Variants in METTL15 observed in about 807,000 individuals in gnomAD.
The protein encoded by METTL15 is 12S rRNA N(4)-cytidine methyltransferase METTL15.
METTL15 carries 34 observed loss-of-function variants against 38.3 expected under a neutral mutation model. The ratio of observed to expected loss-of-function variants is 0.89; its 90% CI spans 0.68 to 1.18. The LOEUF is 1.18. Among genes scored for constraint, METTL15 ranks in the 50% most tolerant of loss-of-function variants. The probability of loss-of-function intolerance (pLI) is 0.00; values close to 1 mark genes in which losing one functional copy is unlikely to be tolerated. For missense variants in METTL15, 438 were observed against 498.4 expected, an observed-to-expected ratio of 0.88 and a Z score of 1.15; for synonymous variants, 162 against 170.9, an observed-to-expected ratio of 0.95 and a Z score of 0.41.
intron 3 of METTL15, among the ~76,000 whole-genome samples, chr11:28,159,002 A>T (rs1409396908): frequency 6.6e-6 from 1 of 152,098 alleles, no homozygotes; most frequent in Admixed American, 6.5e-5. Context: ...TGGAAGTGGC[A>T]CCACTTACCA....
At chr11:28,485,705 A>T (rs941027569) in intron 6 of METTL15, among the ~76,000 whole-genome samples, 2 of 152,166 alleles carry the variant, frequency 1.3e-5, no homozygotes, top group African/African-American at 2.4e-5. Flanking sequence ...TTCACCCCTT[A>T]CAACAGTGTC....
At chr11:28,304,643 G>A (rs1857019558) in intron 6 of METTL15, among the ~76,000 whole-genome samples, 1 of 152,084 alleles carries the variant, frequency 6.6e-6, no homozygotes, top group Non-Finnish European at 1.5e-5. Context: ...TTGAACCCGG[G>A]AGCTGGAGAT....
At chr11:28,338,794 G>A (rs1327231621) in intron 3 of METTL15, among the ~76,000 whole-genome samples, 1 of 152,120 alleles carries the variant, frequency 6.6e-6, no homozygotes, top group African/African-American at 2.4e-5. Context: ...CAGGACTTCA[G>A]CTTTGGTAAT....
intron 6 of METTL15, chr11:28,327,842 A>G: frequency 2.9e-6 from 1 of 339,844 alleles, no homozygotes. Flanking sequence ...ATTTACTGAA[A>G]ATAGTATGCA....
chr11:28,333,069 C>A lies in METTL15; in HGVS notation c.*2228C>A, dbSNP rs1450250800. ...ATAGGAAAAAAGCATGGAATAGATT[C>A]TCCCTCAGAGTTCCAGTAGTTGCCA... On this transcript the variant is annotated 3_prime_UTR_variant, in exon 7 of 7. Transcript: ENST00000407364. 2 of 150,916 alleles carry A rather than the reference C, an allele frequency of 1.3e-5. No individual in the cohort carries two copies. The highest frequency in any genetic ancestry group is 1.3e-4 in the Admixed American group (2 of 15,176). The allele number at this position is 150,916 out of a possible 1,614,324, so 9.3% of individuals were successfully genotyped here. A position where few individuals can be genotyped will look rare whatever the true frequency, so the allele number is the denominator to read the frequency against.
chr11:28,505,058 C>T (rs77520116), intron 6 of METTL15, among the ~76,000 whole-genome samples: 134 of 152,274 alleles, frequency 8.8e-4, no homozygotes, highest in Non-Finnish European at 1.7e-3. Flanking sequence ...GTTGCATTGG[C>T]TTCTGGCATA....
chr11:28,120,519 G>T (rs2133605122), intron 3 of METTL15, among the ~76,000 whole-genome samples: 1 of 151,558 alleles, frequency 6.6e-6, no homozygotes, highest in Middle Eastern at 3.4e-3. Flanking sequence ...GTAAGGGGTG[G>T]TATGTGAATT....
chr11:28,433,644 G>A (rs1215221006), intron 6 of METTL15, among the ~76,000 whole-genome samples: 2 of 152,082 alleles, frequency 1.3e-5, no homozygotes, highest in Non-Finnish European at 2.9e-5. Context: ...TGATGATGAC[G>A]ATTATCTTTA....
Position 28,185,894 on chromosome 11 carries a change from T to C in METTL15, c.271-25168T>C, listed in dbSNP as rs528275781. ...GAGATATAATTAATATATAAATAAA[T>C]ATATAAATATACACACGTATCTAAT... On this transcript the variant is annotated intron_variant, in intron 3 of 6. Transcript: ENST00000407364. 4.0e-5 allele frequency among the ~76,000 whole-genome samples: 6 copies of C among 149,242 alleles called. No individual in the cohort carries two copies. In the East Asian group the frequency reaches 1.2e-3, roughly 29 times the overall value.
intron 6 of METTL15, among the ~76,000 whole-genome samples, chr11:28,457,892 C>T (rs1049022322): frequency 6.6e-6 from 1 of 152,220 alleles, no homozygotes; most frequent in Admixed American, 6.5e-5. Flanking sequence ...GACCTAATAT[C>T]ATTTTTAGCT....
intron 6 of METTL15, among the ~76,000 whole-genome samples, chr11:28,463,856 A>G (rs12361005): frequency 0.42 from 64,391 of 151,986 alleles, 15,033 homozygotes; most frequent in Admixed American, 0.54. Context: ...TGAATGTCAT[A>G]GCAGGGGAAA....
chr11:28,259,713 C>T (rs1177537695), intron 4 of METTL15, among the ~76,000 whole-genome samples: 1 of 152,188 alleles, frequency 6.6e-6, no homozygotes, highest in Non-Finnish European at 1.5e-5. Flanking sequence ...ACTCTCCATA[C>T]CACGCCTCTA....
chr11:28,120,694 A>G (rs757085250), intron 3 of METTL15, among the ~76,000 whole-genome samples: 1 of 152,114 alleles, frequency 6.6e-6, no homozygotes, highest in Admixed American at 6.6e-5. Context: ...TACACTTTGT[A>G]GTATTTGATG....
intron 3 of METTL15, among the ~76,000 whole-genome samples, chr11:28,141,592 G>C (rs1849700195): frequency 6.6e-6 from 1 of 152,168 alleles, no homozygotes; most frequent in Non-Finnish European, 1.5e-5. Context: ...GGGAGGCTGA[G>C]TTGGGAGGAT....
chr11:28,273,047 G>A (rs1855707583), intron 4 of METTL15, among the ~76,000 whole-genome samples: 1 of 152,146 alleles, frequency 6.6e-6, no homozygotes. Context: ...TTATAGGATT[G>A]TGATACAGGT....
intron 5 of METTL15, among the ~76,000 whole-genome samples, chr11:28,384,954 T>C (rs2133387969): frequency 6.6e-6 from 1 of 152,352 alleles, no homozygotes; most frequent in South Asian, 2.1e-4. Flanking sequence ...TTGAAAAGTA[T>C]CAATTCATGT....
At chr11:28,406,194 T>C (rs1412151699) in intron 5 of METTL15, among the ~76,000 whole-genome samples, 2 of 152,234 alleles carry the variant, frequency 1.3e-5, no homozygotes, top group Admixed American at 6.5e-5. Flanking sequence ...TAAATTACTT[T>C]GGGCAGTATG....
chr11:28,189,202 T>G (rs1851613091), intron 3 of METTL15, among the ~76,000 whole-genome samples: 1 of 151,356 alleles, frequency 6.6e-6, no homozygotes, highest in Non-Finnish European at 1.5e-5. Flanking sequence ...CATGATTCAT[T>G]TCTTTCTTTA....
chr11:28,377,638 T>A (rs1850332359), intron 5 of METTL15, among the ~76,000 whole-genome samples: 1 of 152,166 alleles, frequency 6.6e-6, no homozygotes, highest in Admixed American at 6.5e-5. Context: ...TTTGATCGTC[T>A]GAAGCCTTCT....
Sources: allele counts gnomAD v4.1 joint callset (sites outside exome capture counted in the v4.1 genomes callset), GRCh38; gene constraint gnomAD v4.1.1; transcripts MANE v1.5; gene names NCBI Gene and HGNC (gene_info 2026-07-23, HGNC 2026-07-21).